Variants in PACRG observed in about 807,000 individuals in gnomAD.
PACRG encodes parkin coregulated.
PACRG carries 29 observed loss-of-function variants against 29.7 expected under a neutral mutation model. The observed-to-expected ratio is 0.98, with a 90% CI of 0.73 to 1.33. The LOEUF is 1.33. Ranked by LOEUF, PACRG falls within the 40% of genes most tolerant of loss-of-function variation. The pLI, the probability that PACRG is intolerant of heterozygous loss-of-function variation, is 0.00. For missense variants in PACRG, 279 were observed against 316.2 expected (o/e 0.88, Z 0.89); for synonymous variants, 116 against 118.7 (o/e 0.98, Z 0.15).
At chr6:163,089,550 A>T (rs1170193551) in intron 4 of PACRG, 142 bp downstream of exon 4, 24 of 1,003,844 alleles carry the variant, frequency 2.4e-5, no homozygotes, top group Non-Finnish European at 3.4e-5. Flanking sequence ...GCATATTCCC[A>T]CGCCTTCTCC....
chr6:163,159,873 G>A (rs564044727), intron 4 of PACRG, among the ~76,000 whole-genome samples: 45 of 152,130 alleles, frequency 3.0e-4, no homozygotes, highest in Middle Eastern at 3.4e-3. Flanking sequence ...CGGTGGCCCC[G>A]ATCCTCATTC....
intron 2 of PACRG, among the ~76,000 whole-genome samples, chr6:162,969,004 A>G (rs4644020): frequency 0.67 from 96,805 of 144,564 alleles, 32,506 homozygotes; most frequent in East Asian, 0.79. Flanking sequence ...CCGAGATCGC[A>G]CCACTGCCCT....
At chr6:163,123,710 TCTGA>T (rs1215605067) in intron 4 of PACRG, among the ~76,000 whole-genome samples, 4 of 152,226 alleles carry the variant, frequency 2.6e-5, no homozygotes, top group East Asian at 1.9e-4. Context: ...CTTCTGTACA[TCTGA>T]CTATTTTTAG....
intron 4 of PACRG, among the ~76,000 whole-genome samples, chr6:163,129,574 G>A (rs962936364): frequency 3.9e-5 from 6 of 152,166 alleles, no homozygotes; most frequent in African/African-American, 1.4e-4. Flanking sequence ...ATGATTAGAG[G>A]TGACACAGTA....
intron 4 of PACRG, among the ~76,000 whole-genome samples, chr6:163,248,684 T>G (rs539835522): frequency 6.6e-6 from 1 of 152,158 alleles, no homozygotes; most frequent in Non-Finnish European, 1.5e-5. Context: ...TGACAACTAT[T>G]AGGTTTTCTG....
chr6:163,193,173 A>C lies in PACRG; in HGVS notation c.613+103765A>C, dbSNP rs1161380154. Among the ~76,000 whole-genome samples the C allele has an allele frequency of 3.3e-5, 5 of 152,238 alleles. No individual in the cohort carries two copies. In the East Asian group the frequency reaches 9.6e-4, roughly 29 times the overall value. On this transcript the variant is annotated intron_variant, in intron 4 of 4. Coordinates refer to ENST00000366888, the MANE Select transcript of PACRG (RefSeq NM_001080379.2). ...GGTAATTTTTAAATATTCATTTTTA[A>C]GGTGGTGATAGAGTCTAGAAAAATT... is the stretch of plus-strand genomic sequence containing the variant.
intron 2 of PACRG, among the ~76,000 whole-genome samples, chr6:162,909,219 C>T (rs908357800): frequency 6.6e-5 from 10 of 152,098 alleles, no homozygotes; most frequent in African/African-American, 1.9e-4. Flanking sequence ...AAGTTATTTC[C>T]GTCTGGAAGT....
rs532127994 is a variant in PACRG at position 162,800,206 on chromosome 6, C to T, written c.157-13941C>T. On this transcript the variant is annotated intron_variant, in intron 1 of 4. Coordinates refer to ENST00000366888, the MANE Select transcript of PACRG (RefSeq NM_001080379.2). ...ATATTTAACTGCAAGAAGAAGGCAGCTTTTAAGTAAACTTTTTAGCCTTTA... is the reference window on the plus strand; with the variant it reads ...ATATTTAACTGCAAGAAGAAGGCAGTTTTTAAGTAAACTTTTTAGCCTTTA... Among the ~76,000 whole-genome samples the T allele has an allele frequency of 2.6e-5, 4 of 152,256 alleles. No homozygotes were observed. In the South Asian group the frequency reaches 8.3e-4, roughly 32 times the overall value.
chr6:162,863,162 C>T (rs1022657343), intron 2 of PACRG, among the ~76,000 whole-genome samples: 3 of 152,184 alleles, frequency 2.0e-5, no homozygotes, highest in East Asian at 1.9e-4. Context: ...CAGCCGTCTG[C>T]GTGCACTCTT....
At chr6:163,301,640 C>A (rs1476672745) in intron 4 of PACRG, among the ~76,000 whole-genome samples, 1 of 152,100 alleles carries the variant, frequency 6.6e-6, no homozygotes, top group Non-Finnish European at 1.5e-5. Flanking sequence ...TTTTATTAAA[C>A]AGTAAAGCAA....
intron 4 of PACRG, chr6:163,101,384 G>A: frequency 1.0e-6 from 1 of 976,894 alleles, no homozygotes; most frequent in Non-Finnish European, 1.2e-6. Context: ...GGAGTTCATA[G>A]TTTTTCTAAC....
chr6:162,794,708 G>A (rs1390202697), intron 1 of PACRG, among the ~76,000 whole-genome samples: 2 of 152,088 alleles, frequency 1.3e-5, no homozygotes, highest in African/African-American at 4.8e-5. Flanking sequence ...CCATTCATCA[G>A]CAATGTCACC....
rs892226548 is a variant in PACRG, at chr6:163,043,616, A to G, written c.292-18534A>G. 2.6e-4 allele frequency among the ~76,000 whole-genome samples: 39 copies of G among 152,320 alleles called. 1 individual carries two copies. The highest frequency in any genetic ancestry group is 2.0e-3 in the Admixed American group (30 of 15,302). ...CAAGTATGAAGCCACAGGGGTCTGAATGGTGGTATTGACCTACAAGGCAGG... is the reference window on the plus strand; with the variant it reads ...CAAGTATGAAGCCACAGGGGTCTGAGTGGTGGTATTGACCTACAAGGCAGG... On this transcript the variant is annotated intron_variant, in intron 2 of 4. Transcript: ENST00000366888.
At chr6:163,313,038 G>A (rs2128194605) in intron 4 of PACRG, 1 of 199,220 alleles carries the variant, frequency 5.0e-6, no homozygotes, top group East Asian at 1.8e-4. Flanking sequence ...TTACAGGCAT[G>A]AGTCACTGTA....
chr6:163,074,976 G>C (rs1235258418), intron 3 of PACRG, among the ~76,000 whole-genome samples: 1 of 152,180 alleles, frequency 6.6e-6, no homozygotes, highest in African/African-American at 2.4e-5. Context: ...CTGGGTCACA[G>C]AGTGAGACTC....
chr6:163,194,652 G>A (rs1019071758), intron 4 of PACRG, among the ~76,000 whole-genome samples: 5 of 152,184 alleles, frequency 3.3e-5, no homozygotes, highest in Non-Finnish European at 7.3e-5. Flanking sequence ...ACACTGAAGA[G>A]GACAGCTTTT....
intron 2 of PACRG, among the ~76,000 whole-genome samples, chr6:162,876,942 G>C (rs1793404984): frequency 6.6e-6 from 1 of 152,188 alleles, no homozygotes; most frequent in Non-Finnish European, 1.5e-5. Flanking sequence ...AACAACAGAG[G>C]CTGGAGAGGA....
At chr6:162,752,880 G>A (rs1039973716) in intron 1 of PACRG, among the ~76,000 whole-genome samples, 1 of 152,008 alleles carries the variant, frequency 6.6e-6, no homozygotes, top group Non-Finnish European at 1.5e-5. Context: ...GATCCTCCTG[G>A]CTTGGGTTCT....
chr6:163,076,309 A>T (rs1390217725), intron 3 of PACRG, among the ~76,000 whole-genome samples: 1 of 152,166 alleles, frequency 6.6e-6, no homozygotes, highest in Non-Finnish European at 1.5e-5. Flanking sequence ...CTAAGAGGTC[A>T]GCTAAGGCAG....
Sources: allele counts gnomAD v4.1 joint callset (sites outside exome capture counted in the v4.1 genomes callset), GRCh38; gene constraint gnomAD v4.1.1; transcripts MANE v1.5; gene names NCBI Gene and HGNC (gene_info 2026-07-23, HGNC 2026-07-21).